The following AKAP19 variants were observed in gnomAD, a reference collection of about 807,000 sequenced individuals.
The protein encoded by AKAP19 is small A-kinase anchoring protein.
the AKAP19 span, among the ~76,000 whole-genome samples, chr2:190,160,814 T>G: frequency 6.6e-6 from 1 of 152,186 alleles, no homozygotes; most frequent in Non-Finnish European, 1.5e-5. Context: ...CCAAGACAGA[T>G]AAAGTATAAG....
chr2:189,910,846 T>C, the AKAP19 span, among the ~76,000 whole-genome samples: 1 of 152,068 alleles, frequency 6.6e-6, no homozygotes, highest in Non-Finnish European at 1.5e-5. Flanking sequence ...TTATTACTTA[T>C]ACTAGAGATT....
At chr2:190,188,603 G>A in the AKAP19 span, among the ~76,000 whole-genome samples, 1 of 148,788 alleles carries the variant, frequency 6.7e-6, no homozygotes, top group African/African-American at 2.6e-5. Context: ...TCCTCCTTAT[G>A]AATCAACTAT....
the AKAP19 span, among the ~76,000 whole-genome samples, chr2:190,182,179 G>A: frequency 2.6e-4 from 40 of 152,200 alleles, no homozygotes; most frequent in African/African-American, 9.6e-4. Flanking sequence ...ACATTTTGAC[G>A]GGTTCCTCCT....
At chr2:190,157,994 TA>T in the AKAP19 span, among the ~76,000 whole-genome samples, 2 of 152,188 alleles carry the variant, frequency 1.3e-5, no homozygotes, top group South Asian at 2.1e-4. Flanking sequence ...ACCTAGTAGT[TA>T]AAAATCAACT....
At chr2:189,990,077 G>A in the AKAP19 span, among the ~76,000 whole-genome samples, 140 of 152,208 alleles carry the variant, frequency 9.2e-4, no homozygotes, top group Middle Eastern at 3.4e-3. Context: ...TGAAAGAGAA[G>A]AAAACACAGT....
chr2:189,890,934 G>A, the AKAP19 span, among the ~76,000 whole-genome samples: 1 of 152,058 alleles, frequency 6.6e-6, no homozygotes, highest in Non-Finnish European at 1.5e-5. Context: ...TTAATATTAT[G>A]TGTGAATTTG....
At chr2:189,920,718 C>T in the AKAP19 span, among the ~76,000 whole-genome samples, 2 of 152,106 alleles carry the variant, frequency 1.3e-5, no homozygotes, top group African/African-American at 4.8e-5. Flanking sequence ...TCAAATTCTC[C>T]AGCCCACAAA....
chr2:189,906,758 T>C, the AKAP19 span, among the ~76,000 whole-genome samples: 236 of 152,228 alleles, frequency 1.6e-3, no homozygotes, highest in Non-Finnish European at 2.5e-3. Flanking sequence ...AACTTTTTGG[T>C]TTAAAGTTTC....
At chr2:190,191,518 T>G in the AKAP19 span, among the ~76,000 whole-genome samples, 1 of 152,148 alleles carries the variant, frequency 6.6e-6, no homozygotes, top group Non-Finnish European at 1.5e-5. Flanking sequence ...GATTGCTGGG[T>G]CTTCTATGTG....
chr2:189,891,223 CTTTTTTTTTTTT>C, the AKAP19 span, among the ~76,000 whole-genome samples: 7 of 110,468 alleles, frequency 6.3e-5, no homozygotes, highest in Admixed American at 6.7e-4. Context: ...TTTTTTTTTC[CTTTTTTTTTTTT>C]TTTTTTTTGA....
the AKAP19 span, among the ~76,000 whole-genome samples, chr2:189,915,368 A>G: frequency 6.6e-6 from 1 of 152,150 alleles, no homozygotes; most frequent in Non-Finnish European, 1.5e-5. Flanking sequence ...GTTATTATCA[A>G]AACTTTTATT....
chr2:190,198,682 A>G, the AKAP19 span, among the ~76,000 whole-genome samples: 1 of 149,636 alleles, frequency 6.7e-6, no homozygotes, highest in Non-Finnish European at 1.5e-5. Context: ...GATTTTATGA[A>G]TTTTTAGAGC....
chr2:190,197,525 T>C, the AKAP19 span, among the ~76,000 whole-genome samples: 1 of 152,208 alleles, frequency 6.6e-6, no homozygotes, highest in African/African-American at 2.4e-5. This position sits in a 1 kb window ranked among gnomAD's most constrained non-coding sequence, Gnocchi z 4.0. Context: ...ATCTTATAAA[T>C]TCCAGCTGTT....
chr2:190,199,606 C>CCACT, the AKAP19 span: 1 of 693,852 alleles, frequency 1.4e-6, no homozygotes, highest in Non-Finnish European at 2.0e-6. Flanking sequence ...TTCCATGTGA[C>CCACT]CAAAGTGATG....
At chr2:190,091,249 A>G in the AKAP19 span, among the ~76,000 whole-genome samples, 1 of 152,232 alleles carries the variant, frequency 6.6e-6, no homozygotes, top group Non-Finnish European at 1.5e-5. Flanking sequence ...TCAGTGGCAC[A>G]TGTCTACATT....
the AKAP19 span, among the ~76,000 whole-genome samples, chr2:190,072,107 T>A: frequency 0.11 from 17,106 of 152,206 alleles, 2,984 homozygotes; most frequent in African/African-American, 0.38. Context: ...TGTTCTTTGC[T>A]GCAACATGGA....
chr2:190,170,842 G>A, the AKAP19 span, among the ~76,000 whole-genome samples: 2 of 152,180 alleles, frequency 1.3e-5, no homozygotes, highest in Non-Finnish European at 2.9e-5. Context: ...GATCAGGCTG[G>A]TTGGGAGTCT....
At chr2:190,083,496 C>G in the AKAP19 span, among the ~76,000 whole-genome samples, 6 of 143,858 alleles carry the variant, frequency 4.2e-5, no homozygotes, top group African/African-American at 1.5e-4. Flanking sequence ...GACCTGATAA[C>G]CTTGTATAAG....
the AKAP19 span, among the ~76,000 whole-genome samples, chr2:190,061,272 G>A: frequency 1.3e-5 from 2 of 152,002 alleles, no homozygotes; most frequent in African/African-American, 4.8e-5. Context: ...TTGTATTAAA[G>A]CAAGATAACA....
Sources: allele counts gnomAD v4.1 joint callset (sites outside exome capture counted in the v4.1 genomes callset), GRCh38; gene constraint gnomAD v4.1.1; non-coding constraint Gnocchi (gnomAD v3.1); transcripts MANE v1.5; gene names NCBI Gene and HGNC (gene_info 2026-07-23, HGNC 2026-07-21).